HFM1: variants seen among roughly 807,000 people sequenced by gnomAD.
HFM1 encodes the protein helicase for meiosis 1.
HFM1 carries 169 observed loss-of-function variants against 192.1 expected under a neutral mutation model. The observed-to-expected ratio is 0.88, with a 90% confidence interval of 0.78 to 1.00. The LOEUF is 1.00. Among genes scored for constraint, HFM1 ranks in the 50% least tolerant of loss-of-function variants. The probability of loss-of-function intolerance (pLI) is 0.00; values close to 1 mark genes in which losing one functional copy is unlikely to be tolerated. For missense variants in HFM1, 1,661 were observed against 1,668.0 expected (o/e 1.00, Z 0.07); for synonymous variants, 525 against 537.8 (o/e 0.98, Z 0.33).
chr1:91,305,819 C>T (rs865864249), intron 30 of HFM1, among the ~76,000 whole-genome samples: 3 of 152,086 alleles, frequency 2.0e-5, no homozygotes, highest in African/African-American at 4.8e-5. Flanking sequence ...CCTCCTACCT[C>T]GGCCTCCCAA....
chr1:91,328,298 G>T (rs562189114), intron 20 of HFM1: 2 of 1,217,458 alleles, frequency 1.6e-6, no homozygotes, highest in African/African-American at 1.5e-5. Flanking sequence ...GCTTAGGACC[G>T]CCTGCCCAGG....
intron 18 of HFM1, among the ~76,000 whole-genome samples, 175 bp from the exon 19 acceptor site, chr1:91,347,651 T>C (rs927277887): frequency 6.6e-6 from 1 of 152,194 alleles, no homozygotes; most frequent in Non-Finnish European, 1.5e-5. Context: ...AGGAATATCA[T>C]ATTTTAACAA....
chr1:91,380,246 A>G lies in HFM1; in HGVS notation c.874-10T>C. On this transcript the variant is annotated splice_polypyrimidine_tract_variant and intron_variant, in intron 7 of 38. Coordinates refer to ENST00000370425, the MANE Select transcript of HFM1 (RefSeq NM_001017975.6). ...TATCTGTGTAAAGAAGCTAAAAAAT[A>G]AAAAGTAATCAATCATGTAACATAT... 6.7e-7 allele frequency: 1 copy of G among 1,495,084 alleles called. No homozygotes were observed. Among genetic ancestry groups the G allele is most frequent in the Non-Finnish European group, 9.0e-7 (1 of 1,113,032 alleles). 92.6% of individuals were successfully genotyped at this position (1,495,084 alleles called of 1,614,324 possible). A position where few individuals can be genotyped will look rare whatever the true frequency, so the allele number is the denominator to read the frequency against.
chr1:91,365,077 C>G (rs1032633265), intron 13 of HFM1, among the ~76,000 whole-genome samples: 1 of 152,010 alleles, frequency 6.6e-6, no homozygotes, highest in Non-Finnish European at 1.5e-5. Flanking sequence ...AAGACACTAA[C>G]TGAAATAAGC....
intron 34 of HFM1, among the ~76,000 whole-genome samples, chr1:91,270,181 A>C (rs1246532465): frequency 2.6e-5 from 4 of 152,172 alleles, no homozygotes; most frequent in Admixed American, 2.6e-4. Flanking sequence ...CTTAAGCTAG[A>C]GTATCAGCAG....
In HFM1 at chr1:91,323,194, T is replaced by C; in HGVS notation, c.2433A>G (p.Thr811=). 4 of 1,507,420 alleles carry C rather than the reference T, an allele frequency of 2.7e-6. No individual in the cohort carries two copies. The highest frequency in any genetic ancestry group is 3.7e-6 in the Non-Finnish European group (4 of 1,088,258). 93.4% of individuals were successfully genotyped at this position (1,507,420 alleles called of 1,614,324 possible). The change falls in exon 22 of 39, where the codon ACA becomes ACG. Residue 811 remains threonine (T), a synonymous_variant. Transcript: ENST00000370425. ...SGKETLSDLV[T]LIAGCKEFLD... is the part of the protein sequence containing the mutation. Reference sequence around the variant, plus strand: ...GAAATTCCTTGCAGCCAGCTATCAATGTAACCTATAACATTTCAGTAGTTG... The same window carrying C: ...GAAATTCCTTGCAGCCAGCTATCAACGTAACCTATAACATTTCAGTAGTTG...
rs385635 is a variant in HFM1, at chr1:91,296,660, G to A, written c.3391+16689C>T. Among the ~76,000 whole-genome samples, 708 of 152,094 alleles carry A rather than the reference G, an allele frequency of 4.7e-3. 10 individuals are homozygous for A. The highest frequency in any genetic ancestry group is 0.016 in the African/African-American group (674 of 41,494). On this transcript the variant is annotated intron_variant, in intron 30 of 38. Transcript: ENST00000370425. ...TATTAAACTTTTCAGTTCTTGAAAC[G>A]GTATCTTAATTAAGTATGTTTTCCC...
Position 91,389,126 on chromosome 1 carries a change from T to C in HFM1, c.495-3292A>G, listed in dbSNP as rs145601275. Among the ~76,000 whole-genome samples the C allele has an allele frequency of 1.6e-3, 220 of 139,594 alleles. 4 individuals are homozygous for C. The East Asian group carries it at 0.025, about 16-fold the overall frequency. The allele number at this position is 139,594 out of a possible 152,430, so 91.6% of individuals were successfully genotyped here. On this transcript the variant is annotated intron_variant, in intron 4 of 38. Transcript: ENST00000370425. ...GGCCCTAATCCCCAGTGGGTTTTTT[T>C]GTTGGGTTTTTTTTTTTTTTTTTTT...
chr1:91,405,071 C>G (rs146882039), upstream of HFM1, among the ~76,000 whole-genome samples: 162 of 152,204 alleles, frequency 1.1e-3, no homozygotes, highest in African/African-American at 3.8e-3. Flanking sequence ...TCTCTACCCC[C>G]ACAACCACCA....
chr1:91,317,584 A>G (rs7513687), intron 25 of HFM1, among the ~76,000 whole-genome samples: 14,634 of 152,178 alleles, frequency 0.096, 739 homozygotes, highest in East Asian at 0.16. Flanking sequence ...CCAAAATATT[A>G]CTACTTTGTC....
intron 30 of HFM1, 53 bp downstream of exon 30, chr1:91,313,296 T>A (rs1385994285): frequency 3.7e-6 from 4 of 1,086,894 alleles, no homozygotes; most frequent in Non-Finnish European, 5.4e-6. Flanking sequence ...TGATACTCCT[T>A]CCTAGCCATA....
chr1:91,281,029 G>A (rs1450837927), intron 30 of HFM1, among the ~76,000 whole-genome samples: 2 of 152,152 alleles, frequency 1.3e-5, no homozygotes, highest in African/African-American at 2.4e-5. Context: ...CCACTGAAAT[G>A]TTTTAACCGA....
chr1:91,328,368 C>T (rs1653251330), intron 20 of HFM1: 2 of 1,563,442 alleles, frequency 1.3e-6, no homozygotes, highest in African/African-American at 1.4e-5. Flanking sequence ...AGTCATCCCT[C>T]CTCTGTGTTG....
At chr1:91,330,358 G>C (rs931251973) in intron 20 of HFM1, among the ~76,000 whole-genome samples, 1 of 152,108 alleles carries the variant, frequency 6.6e-6, no homozygotes, top group African/African-American at 2.4e-5. Flanking sequence ...AGGATCATTA[G>C]TGGCTACTAG....
At chr1:91,357,319 A>G (rs1465691319) in intron 13 of HFM1, among the ~76,000 whole-genome samples, 1 of 152,226 alleles carries the variant, frequency 6.6e-6, no homozygotes, top group East Asian at 1.9e-4. Context: ...CCACTGTGAT[A>G]TATCACATTA....
At chr1:91,341,909 A>C in intron 20 of HFM1, among the ~76,000 whole-genome samples, 1 of 152,074 alleles carries the variant, frequency 6.6e-6, no homozygotes, top group East Asian at 1.9e-4. Flanking sequence ...TGAAACCCTG[A>C]ACAGACCAAT....
chr1:91,322,707 G>A (rs1470176882), intron 23 of HFM1, among the ~76,000 whole-genome samples: 2 of 152,142 alleles, frequency 1.3e-5, no homozygotes, highest in African/African-American at 4.8e-5. Flanking sequence ...ACAATGAGAA[G>A]CATAAGAAGC....
At chr1:91,264,977 C>T (rs994852122) in intron 36 of HFM1, among the ~76,000 whole-genome samples, 5 of 152,154 alleles carry the variant, frequency 3.3e-5, no homozygotes, top group African/African-American at 1.2e-4. Context: ...AATTGCCACA[C>T]TGAATCTGCT....
intron 30 of HFM1, among the ~76,000 whole-genome samples, chr1:91,298,421 C>G (rs1570849716): frequency 6.6e-6 from 1 of 152,114 alleles, no homozygotes; most frequent in African/African-American, 2.4e-5. Context: ...CATTCAAATT[C>G]AGGAAATACA....
Sources: gnomAD v4.1 joint callset for allele counts (sites outside exome capture counted in the v4.1 genomes callset) on GRCh38, gnomAD v4.1.1 for gene constraint, MANE v1.5 for transcripts, NCBI Gene and HGNC (gene_info 2026-07-23, HGNC 2026-07-21) for gene names.